NEGR1: variants seen among roughly 807,000 people sequenced by gnomAD.
NEGR1 encodes the protein IgLON family member 4.
In NEGR1, 10 loss-of-function variants were observed where a neutral mutation model predicts 40.9. That is an observed-to-expected ratio of 0.24 (90% CI 0.15 to 0.42). NEGR1 has a LOEUF of 0.42. Among genes scored for constraint, NEGR1 ranks in the 10% least tolerant of loss-of-function variants. The pLI is 1.00. For missense variants in NEGR1, 352 were observed against 438.9 expected (o/e 0.80, Z 1.77); for synonymous variants, 185 against 166.8 (o/e 1.11, Z -0.84).
chr1:71,650,694 T>A (rs1181856294), intron 4 of NEGR1, among the ~76,000 whole-genome samples: 1 of 152,184 alleles, frequency 6.6e-6, no homozygotes, highest in Non-Finnish European at 1.5e-5. Flanking sequence ...TAAGTTGTAT[T>A]TTTGTAAATT....
At chr1:72,012,990 A>T (rs1194765646) in intron 1 of NEGR1, among the ~76,000 whole-genome samples, 1 of 151,732 alleles carries the variant, frequency 6.6e-6, no homozygotes, top group East Asian at 1.9e-4. Context: ...TTAATAGGAG[A>T]TATGGCATAT....
chr1:71,724,145 T>C (rs1654598683), intron 3 of NEGR1, among the ~76,000 whole-genome samples: 3 of 152,182 alleles, frequency 2.0e-5, no homozygotes, highest in Admixed American at 2.0e-4. Context: ...AGCTTACTGA[T>C]GCTGGATTCA....
chr1:72,257,305 G>C (rs1376274179), intron 1 of NEGR1, among the ~76,000 whole-genome samples: 1 of 119,272 alleles, frequency 8.4e-6, no homozygotes, highest in South Asian at 2.7e-4. Flanking sequence ...CTGGGCGACA[G>C]AGCGAGACTC....
At chr1:72,258,573 A>G (rs1227301128) in intron 1 of NEGR1, among the ~76,000 whole-genome samples, 2 of 152,196 alleles carry the variant, frequency 1.3e-5, no homozygotes, top group Non-Finnish European at 2.9e-5. Context: ...TAGAAAATAA[A>G]ATTAGCTAGA....
intron 1 of NEGR1, among the ~76,000 whole-genome samples, chr1:72,126,941 G>T (rs2100303056): frequency 6.6e-6 from 1 of 152,252 alleles, no homozygotes; most frequent in Admixed American, 6.5e-5. Flanking sequence ...ACTTTATTTT[G>T]ATTATACTGG....
intron 1 of NEGR1, among the ~76,000 whole-genome samples, chr1:72,223,309 C>G (rs1654071368): frequency 6.6e-6 from 1 of 152,116 alleles, no homozygotes; most frequent in Admixed American, 6.5e-5. Context: ...GAACCAAATT[C>G]CAATCGCTTA....
intron 6 of NEGR1, among the ~76,000 whole-genome samples, chr1:71,450,453 T>C (rs1161367906): frequency 6.6e-6 from 1 of 152,230 alleles, no homozygotes; most frequent in Non-Finnish European, 1.5e-5. Flanking sequence ...GAGGGACTTC[T>C]AATACATAAT....
chr1:71,851,323 T>C (rs1032290929), intron 2 of NEGR1, among the ~76,000 whole-genome samples: 1 of 152,176 alleles, frequency 6.6e-6, no homozygotes, highest in African/African-American at 2.4e-5. Context: ...GTATGTTTTC[T>C]AAATAATTTA....
chr1:72,175,052 G>A (rs1418580823), intron 1 of NEGR1, among the ~76,000 whole-genome samples: 3 of 151,850 alleles, frequency 2.0e-5, no homozygotes, highest in Admixed American at 1.3e-4. Flanking sequence ...GTGCCATGCT[G>A]GTGTGCTGCA....
chr1:72,225,692 C>T (rs964493434), intron 1 of NEGR1, among the ~76,000 whole-genome samples: 4 of 151,388 alleles, frequency 2.6e-5, no homozygotes, highest in East Asian at 2.0e-4. Flanking sequence ...TTAACTGATA[C>T]CTGAACTAAA....
chr1:71,803,048 A>T (rs1005591591), intron 2 of NEGR1, among the ~76,000 whole-genome samples: 3 of 152,160 alleles, frequency 2.0e-5, no homozygotes, highest in African/African-American at 4.8e-5. Flanking sequence ...TTTATAGGCC[A>T]AATTGTGTTC....
chr1:71,996,621 T>C (rs1450656253), intron 1 of NEGR1, among the ~76,000 whole-genome samples: 2 of 152,128 alleles, frequency 1.3e-5, no homozygotes, highest in African/African-American at 4.8e-5. Context: ...TCAAGGCTAC[T>C]TCCTCAACAT....
At chr1:71,943,094 A>T (rs1645985554) in intron 1 of NEGR1, among the ~76,000 whole-genome samples, 1 of 147,042 alleles carries the variant, frequency 6.8e-6, no homozygotes, top group Non-Finnish European at 1.5e-5. Context: ...ATACACACAT[A>T]CATATATATG....
At chr1:71,948,956 A>AG (rs1646045019) in intron 1 of NEGR1, among the ~76,000 whole-genome samples, 1 of 152,136 alleles carries the variant, frequency 6.6e-6, no homozygotes, top group East Asian at 1.9e-4. Context: ...CACTCTAAAA[A>AG]GTTAACCTGA....
intron 6 of NEGR1, among the ~76,000 whole-genome samples, chr1:71,453,098 G>A (rs553652112): frequency 2.6e-5 from 4 of 152,228 alleles, no homozygotes; most frequent in African/African-American, 9.6e-5. Context: ...TGCTCCAAGC[G>A]TCTCAATAGC....
At chr1:71,692,781 C>A (rs1218581486) in intron 4 of NEGR1, among the ~76,000 whole-genome samples, 1 of 151,722 alleles carries the variant, frequency 6.6e-6, no homozygotes, top group Non-Finnish European at 1.5e-5. Context: ...GTAGCAGATG[C>A]AAAATAATGC....
intron 4 of NEGR1, among the ~76,000 whole-genome samples, chr1:71,688,258 C>G (rs1260570146): frequency 7.1e-6 from 1 of 141,008 alleles, no homozygotes; most frequent in Non-Finnish European, 1.5e-5. Context: ...TTCGTAGTCA[C>G]TGTGTTACAT....
intron 4 of NEGR1, among the ~76,000 whole-genome samples, chr1:71,619,577 T>A (rs552820201): frequency 6.6e-6 from 1 of 152,080 alleles, no homozygotes; most frequent in African/African-American, 2.4e-5. Context: ...GCTGAAGCAA[T>A]TGCACAGTGG....
chr1:71,725,384 C>A (rs1422189055), intron 3 of NEGR1, among the ~76,000 whole-genome samples: 3 of 152,066 alleles, frequency 2.0e-5, no homozygotes, highest in African/African-American at 7.2e-5. Context: ...TCCGTCATTG[C>A]AGATACTCTT....
Sources: gnomAD v4.1 joint callset for allele counts (sites outside exome capture counted in the v4.1 genomes callset) on GRCh38, gnomAD v4.1.1 for gene constraint, MANE v1.5 for transcripts, NCBI Gene and HGNC (gene_info 2026-07-23, HGNC 2026-07-21) for gene names.